Variants in EXOC2 observed in about 807,000 individuals in gnomAD.
EXOC2 encodes exocyst complex component 2.
Under a neutral mutation model 131.8 loss-of-function variants are expected in EXOC2, and 70 were observed. The observed-to-expected ratio is 0.53, with a 90% CI of 0.44 to 0.65. The LOEUF (loss-of-function observed/expected upper bound fraction) is 0.65. Among genes scored for constraint, EXOC2 ranks in the 30% least tolerant of loss-of-function variants. EXOC2 has a pLI of 0.00. For missense variants in EXOC2, 923 were observed against 1,108.6 expected, an observed-to-expected ratio of 0.83 and a Z score of 2.38; for synonymous variants, 411 against 398.4, an observed-to-expected ratio of 1.03 and a Z score of -0.38.
In EXOC2 at chr6:553,853, C is replaced by G. The variant is rs1757276773; in HGVS notation, c.2121+1G>C. 6.2e-7 allele frequency: 1 copy of G among 1,612,778 alleles called. No individual in the cohort carries two copies. On this transcript the variant is annotated splice_donor_variant, in intron 21 of 27. Transcript: ENST00000230449. LOFTEE classifies it high-confidence loss of function. ...TACTTTCTAGTTATCGTCTGACTTACTGAGGTCAAGCTGAAGTCTTCATGG... is the reference window on the plus strand; with the variant it reads ...TACTTTCTAGTTATCGTCTGACTTAGTGAGGTCAAGCTGAAGTCTTCATGG...
intron 1 of EXOC2, chr6:655,844 C>A: frequency 3.2e-6 from 1 of 312,818 alleles, no homozygotes; most frequent in Admixed American, 4.6e-5. Flanking sequence ...CCTGTTTTTC[C>A]CCCCCGAAAA....
chr6:549,407 T>G, intron 21 of EXOC2, 116 bp from the exon 22 acceptor site: 1 of 703,062 alleles, frequency 1.4e-6, no homozygotes, highest in South Asian at 2.2e-5. Context: ...ATCCAATGCT[T>G]TGCTTTTCTT....
At chr6:653,015 T>C (rs535618485) in intron 1 of EXOC2, among the ~76,000 whole-genome samples, 4 of 152,314 alleles carry the variant, frequency 2.6e-5, no homozygotes, top group Admixed American at 2.0e-4. Context: ...CTGTGATGAG[T>C]GTTCTTTGAT....
chr6:515,462 G>A (rs1163282076), intron 23 of EXOC2, among the ~76,000 whole-genome samples: 1 of 152,226 alleles, frequency 6.6e-6, no homozygotes, highest in Non-Finnish European at 1.5e-5. Flanking sequence ...ACCACAGCAG[G>A]AGGCAGGCTT....
intron 2 of EXOC2, among the ~76,000 whole-genome samples, chr6:636,454 CA>C (rs1454898981): frequency 2.0e-5 from 3 of 152,110 alleles, no homozygotes; most frequent in Non-Finnish European, 4.4e-5. Context: ...TTAGAGAAAA[CA>C]ATATCAAATG....
chr6:656,675 C>T (rs1469406962), intron 1 of EXOC2: 8 of 1,606,808 alleles, frequency 5.0e-6, no homozygotes, highest in Middle Eastern at 1.7e-4. Flanking sequence ...CGCTTCTCGC[C>T]GCCCGGGACA....
intron 3 of EXOC2, among the ~76,000 whole-genome samples, chr6:630,667 T>C (rs1315434092): frequency 6.6e-6 from 1 of 152,238 alleles, no homozygotes; most frequent in South Asian, 2.1e-4. Context: ...AACTCTGGCA[T>C]GTTTTCATGA....
chr6:599,414 A>G (rs1220648077), intron 7 of EXOC2, among the ~76,000 whole-genome samples, 189 bp from the exon 8 acceptor site: 1 of 152,208 alleles, frequency 6.6e-6, no homozygotes, highest in African/African-American at 2.4e-5. Flanking sequence ...AAGTCTTTTC[A>G]TATGTTAAGA....
intron 1 of EXOC2, among the ~76,000 whole-genome samples, chr6:670,493 A>T (rs548413485): frequency 2.6e-3 from 364 of 139,834 alleles, no homozygotes; most frequent in Non-Finnish European, 3.2e-3. Context: ...TTTTTAATTT[A>T]AAAAAAAAAA....
At chr6:652,696 C>A (rs1038736610) in intron 1 of EXOC2, among the ~76,000 whole-genome samples, 1 of 151,470 alleles carries the variant, frequency 6.6e-6, no homozygotes, top group Non-Finnish European at 1.5e-5. Flanking sequence ...GGAATACTGG[C>A]GGGGCTGGGG....
At chr6:600,266 A>G (rs909785431) in intron 7 of EXOC2, among the ~76,000 whole-genome samples, 3 of 152,210 alleles carry the variant, frequency 2.0e-5, no homozygotes, top group Non-Finnish European at 2.9e-5. Flanking sequence ...TTTTGTCAAG[A>G]TAACTGTTTT....
chr6:604,785 C>T (rs980956256), intron 7 of EXOC2, among the ~76,000 whole-genome samples: 3 of 151,470 alleles, frequency 2.0e-5, no homozygotes, highest in East Asian at 3.9e-4. Context: ...TCTGAACTCA[C>T]GCGCTGGCCC....
chr6:518,482 C>A (rs762878629), intron 23 of EXOC2, among the ~76,000 whole-genome samples: 1 of 152,158 alleles, frequency 6.6e-6, no homozygotes. Context: ...CAATTTAAAA[C>A]ATAATAAAAT....
intron 22 of EXOC2, among the ~76,000 whole-genome samples, chr6:547,349 A>G (rs2127562767): frequency 6.6e-6 from 1 of 152,320 alleles, no homozygotes; most frequent in Middle Eastern, 3.4e-3. Context: ...CGGAGGAAAC[A>G]CTTGGCCTGC....
At chr6:567,446 T>C (rs905686427) in intron 13 of EXOC2, among the ~76,000 whole-genome samples, 6 of 152,220 alleles carry the variant, frequency 3.9e-5, no homozygotes, top group Non-Finnish European at 7.3e-5. Flanking sequence ...GTTTCTTTTA[T>C]AGCTGTTACC....
chr6:572,574 C>G lies in EXOC2; in HGVS notation c.1389G>C (p.Leu463=). ...EKLTKLVLSQ[L]PNFWKLWISY... is the part of the protein sequence containing the mutation. ...AGATCCAGAGTTTCCAGAAGTTAGG[C>G]AGCTGGCTCAAGACGAGTTTTGTCA... Residue 463 remains leucine (L), a synonymous_variant, in exon 13 of 28, where the codon CTG becomes CTC. Transcript: ENST00000230449. 1 of 1,614,202 alleles carries G rather than the reference C, an allele frequency of 6.2e-7. No homozygotes were observed. Among genetic ancestry groups the G allele is most frequent in the Non-Finnish European group, 8.5e-7 (1 of 1,180,046 alleles).
intron 12 of EXOC2, among the ~76,000 whole-genome samples, 190 bp from the exon 13 acceptor site, chr6:572,834 G>A (rs752014602): frequency 2.0e-5 from 3 of 152,152 alleles, no homozygotes; most frequent in East Asian, 1.9e-4. Flanking sequence ...AGACACCCCC[G>A]CATTTCTCCT....
intron 21 of EXOC2, among the ~76,000 whole-genome samples, chr6:552,235 G>A (rs1017235189): frequency 6.6e-6 from 1 of 152,212 alleles, no homozygotes; most frequent in Non-Finnish European, 1.5e-5. Context: ...CCTCACTGCC[G>A]ACATACCTAG....
chr6:523,330 G>C (rs1290805745), intron 23 of EXOC2, among the ~76,000 whole-genome samples: 1 of 152,228 alleles, frequency 6.6e-6, no homozygotes, highest in Non-Finnish European at 1.5e-5. Context: ...AAGTGAGAAC[G>C]CAGTGCGTCC....
Sources: gnomAD v4.1 joint callset for allele counts (sites outside exome capture counted in the v4.1 genomes callset) on GRCh38, gnomAD v4.1.1 for gene constraint, MANE v1.5 for transcripts, NCBI Gene and HGNC (gene_info 2026-07-23, HGNC 2026-07-21) for gene names.